The following C16orf46 variants were observed in gnomAD, a reference collection of about 807,000 sequenced individuals.
C16orf46 encodes the protein uncharacterized protein C16orf46.
Under a neutral mutation model 5.5 loss-of-function variants are expected in C16orf46, and 7 were observed. The ratio of observed to expected loss-of-function variants is 1.28; its 90% CI spans 0.73 to 2.40. The LOEUF (loss-of-function observed/expected upper bound fraction) is 2.40. C16orf46 is among the 30% of genes most tolerant of loss of function. The probability of loss-of-function intolerance (pLI) is 0.00; values close to 1 mark genes in which losing one functional copy is unlikely to be tolerated. For missense variants in C16orf46, 614 were observed against 476.0 expected (o/e 1.29, Z -2.70); for synonymous variants, 200 against 184.1 (o/e 1.09, Z -0.70).
chr16:81,059,962 G>C (rs956986265), downstream of C16orf46, among the ~76,000 whole-genome samples: 1 of 151,456 alleles, frequency 6.6e-6, no homozygotes, highest in Non-Finnish European at 1.5e-5. Context: ...CTAATTTTTT[G>C]TATTTTTAGT....
chr16:81,056,383 TGA>T (rs1372214331), downstream of C16orf46: 2 of 152,176 alleles, frequency 1.3e-5, no homozygotes, highest in Non-Finnish European at 1.5e-5. Flanking sequence ...CCTGTTACTC[TGA>T]GAGACTCTTC....
intron 1 of C16orf46, among the ~76,000 whole-genome samples, chr16:81,074,348 A>T (rs754509779): frequency 2.0e-5 from 3 of 152,080 alleles, no homozygotes; most frequent in Non-Finnish European, 2.9e-5. Context: ...TTAATTAAAC[A>T]AAGTTACTAT....
Position 81,061,145 on chromosome 16 carries a change from G to T in C16orf46, c.*16C>A, listed in dbSNP as rs771626943. The stretch of plus-strand genomic sequence containing the variant: ...TCTCAAACGGTGCTTATTCCCAGGG[G>T]TTCTACCGCAACCGCTCAGAGGATC... On this transcript the variant is annotated 3_prime_UTR_variant, in exon 4 of 4. Transcript: ENST00000299578. 5.7e-6 allele frequency: 9 copies of T among 1,577,210 alleles called. No individual in the cohort carries two copies. The highest frequency in any genetic ancestry group is 2.3e-5 in the South Asian group (2 of 85,448).
chr16:81,061,537 T>C lies in C16orf46; in HGVS notation c.812A>G (p.Lys271Arg), dbSNP rs1425140368. 1.2e-6 allele frequency: 2 copies of C among 1,614,182 alleles called. No homozygotes were observed. The highest frequency in any genetic ancestry group is 1.1e-5 in the South Asian group (1 of 91,090). ...KGEKRASELA[K>R]HPMVNDTPSS... ...TGGCGTGTCGTTGACCATAGGGTGT[T>C]TGGCCAGCTCACTGGCTCTTTTTTC... Residue 271 changes from lysine (K) to arginine (R), a missense_variant, in exon 4 of 4, where the codon AAA (lysine) becomes AGA (arginine). Physicochemically the swap from Lys to Arg is conservative, Grantham distance 26. Coordinates refer to ENST00000299578, the MANE Select transcript of C16orf46 (RefSeq NM_152337.3).
intron 1 of C16orf46, among the ~76,000 whole-genome samples, chr16:81,073,358 C>G (rs804905): frequency 0.69 from 105,144 of 151,562 alleles, 37,139 homozygotes; most frequent in South Asian, 0.82. Flanking sequence ...GAATTAATAG[C>G]ATATAAGGTT....
intron 3 of C16orf46, 90 bp from the exon 4 acceptor site, chr16:81,062,228 T>G: frequency 8.9e-7 from 1 of 1,117,568 alleles, no homozygotes; most frequent in Non-Finnish European, 1.2e-6. Context: ...TTGGCAGTCT[T>G]ATGTGAAACA....
intron 1 of C16orf46, among the ~76,000 whole-genome samples, chr16:81,067,044 C>A (rs1402462723): frequency 6.6e-6 from 1 of 152,060 alleles, no homozygotes; most frequent in African/African-American, 2.4e-5. Context: ...ATCCAAGCCC[C>A]CAAAGTGCAT....
chr16:81,068,505 G>C (rs1291936247), intron 1 of C16orf46, among the ~76,000 whole-genome samples: 1 of 151,536 alleles, frequency 6.6e-6, no homozygotes. Context: ...AAGAAGTGAA[G>C]GGATAGCAGA....
At chr16:81,056,972 G>A (rs1971315372), downstream of C16orf46, among the ~76,000 whole-genome samples, 1 of 152,136 alleles carries the variant, frequency 6.6e-6, no homozygotes, top group African/African-American at 2.4e-5. Flanking sequence ...CTCAGCTAGG[G>A]TGATTTTGCC....
chr16:81,058,242 T>C (rs1268670612), downstream of C16orf46, among the ~76,000 whole-genome samples: 1 of 152,212 alleles, frequency 6.6e-6, no homozygotes, highest in Non-Finnish European at 1.5e-5. Flanking sequence ...TACATCCTGA[T>C]GGTTCTCAGC....
intron 3 of C16orf46, 73 bp from the exon 4 acceptor site, chr16:81,062,211 T>G: frequency 7.3e-7 from 1 of 1,375,414 alleles, no homozygotes; most frequent in Non-Finnish European, 9.6e-7. Flanking sequence ...TTGGCCACAT[T>G]CCCATTTTGG....
In C16orf46 at chr16:81,063,989, T is replaced by C. The variant is rs772540650; in HGVS notation, c.-34A>G. 6.7e-7 allele frequency: 1 copy of C among 1,485,698 alleles called. No individual in the cohort carries two copies. The highest frequency in any genetic ancestry group is 2.3e-5 in the East Asian group (1 of 44,116). 92.0% of individuals were successfully genotyped at this position (1,485,698 alleles called of 1,614,324 possible). ...TGCTTGCTTAAAGTTTTTAACATCT[T>C]CTTGCTGTTTAAAAACATGAATGGA... On this transcript the variant is annotated 5_prime_UTR_variant, in exon 3 of 4. Transcript: ENST00000299578.
intron 3 of C16orf46, among the ~76,000 whole-genome samples, chr16:81,054,336 G>A (rs1180516884): frequency 3.3e-5 from 5 of 151,296 alleles, no homozygotes; most frequent in African/African-American, 7.3e-5. Flanking sequence ...TGAGCCCACC[G>A]AAATTAAGAT....
In C16orf46 at chr16:81,055,675, C is replaced by G. The variant is rs139779542; in HGVS notation, c.1144-1581G>C. On this transcript the variant is annotated intron_variant, in intron 3 of 3. Coordinates refer to the C16orf46 transcript ENST00000378611. ...TACCACTGCACTCCAGCCTGGGTAA[C>G]AGGTGAAACTCTGCCTCAAAAAATA... Among the ~76,000 whole-genome samples, 13 of 152,256 alleles carry G rather than the reference C, an allele frequency of 8.5e-5. No homozygotes were observed. In the East Asian group the frequency reaches 2.3e-3, roughly 27 times the overall value.
chr16:81,076,746 AC>A (rs1416770179), intron 1 of C16orf46: 1 of 149,650 alleles, frequency 6.7e-6, no homozygotes, highest in Non-Finnish European at 1.5e-5. Context: ...TGCAGGCCAC[AC>A]CCCTTTCTCT....
chr16:81,073,284 A>C (rs1204130201), intron 1 of C16orf46, among the ~76,000 whole-genome samples: 2 of 152,362 alleles, frequency 1.3e-5, no homozygotes, highest in East Asian at 3.9e-4. Context: ...CAGGAACACA[A>C]GCTCCATGTC....
chr16:81,063,993 G>T lies in C16orf46; in HGVS notation c.-38C>A. 4 of 1,474,688 alleles carry T rather than the reference G, an allele frequency of 2.7e-6. No homozygotes were observed. The highest frequency in any genetic ancestry group is 3.7e-6 in the Non-Finnish European group (4 of 1,077,710). 91.4% of individuals were successfully genotyped at this position (1,474,688 alleles called of 1,614,324 possible). A position where few individuals can be genotyped will look rare whatever the true frequency, so the allele number is the denominator to read the frequency against. On this transcript the variant is annotated splice_region_variant and 5_prime_UTR_variant, in exon 3 of 4. Transcript: ENST00000299578. ...TGCTTAAAGTTTTTAACATCTTCTT[G>T]CTGTTTAAAAACATGAATGGAACTT... is the stretch of plus-strand genomic sequence containing the variant.
chr16:81,065,087 G>C (rs563252748), intron 2 of C16orf46, among the ~76,000 whole-genome samples: 20 of 152,132 alleles, frequency 1.3e-4, no homozygotes, highest in South Asian at 4.1e-4. Context: ...ATCCTGATCA[G>C]AGCCAAAGAG....
chr16:81,056,205 T>G (rs2151745731), downstream of C16orf46: 1 of 152,304 alleles, frequency 6.6e-6, no homozygotes. Flanking sequence ...TGTGGAAAAG[T>G]GAGTATTAAA....
Sources: gnomAD v4.1 joint callset for allele counts (sites outside exome capture counted in the v4.1 genomes callset) on GRCh38, gnomAD v4.1.1 for gene constraint, MANE v1.5 for transcripts, NCBI Gene and HGNC (gene_info 2026-07-23, HGNC 2026-07-21) for gene names.